NRG1: variants seen among roughly 807,000 people sequenced by gnomAD.
The protein encoded by NRG1 is neuregulin 1.
Under a neutral mutation model 63.8 loss-of-function variants are expected in NRG1, and 18 were observed. The observed-to-expected ratio is 0.28, with a 90% confidence interval of 0.19 to 0.42. The LOEUF (loss-of-function observed/expected upper bound fraction) is 0.42, where lower values mean the gene tolerates loss of function less well. Ranked by LOEUF, NRG1 falls within the 10% of genes least tolerant of loss-of-function variation. NRG1 has a pLI of 1.00. For synonymous variants in NRG1, 302 were observed against 301.3 expected (o/e 1.00, Z -0.02); for missense variants, 762 against 814.7 (o/e 0.94, Z 0.79).
At chr8:32,510,313 G>C (rs55854505) in intron 1 of NRG1, among the ~76,000 whole-genome samples, 5,618 of 151,928 alleles carry the variant, frequency 0.037, 143 homozygotes, top group African/African-American at 0.069. Flanking sequence ...AGTGAGCCAT[G>C]TTTGTGCTGC....
At chr8:32,574,436 C>G (rs559124394) in intron 1 of NRG1, among the ~76,000 whole-genome samples, 62 of 152,136 alleles carry the variant, frequency 4.1e-4, no homozygotes, top group African/African-American at 1.4e-3. Flanking sequence ...TTTTTCCCCA[C>G]CCAAATCTCA....
chr8:31,817,844 A>T, intron 1 of NRG1, among the ~76,000 whole-genome samples: 1 of 152,212 alleles, frequency 6.6e-6, no homozygotes, highest in Non-Finnish European at 1.5e-5. Context: ...CTTTTGTAAG[A>T]TATTAGAGAA....
At chr8:32,549,935 A>T (rs4733356) in intron 1 of NRG1, among the ~76,000 whole-genome samples, 59,587 of 152,108 alleles carry the variant, frequency 0.39, 12,750 homozygotes, top group Admixed American at 0.49. Flanking sequence ...CACACATTTC[A>T]TGAAGCACTT....
intron 1 of NRG1, among the ~76,000 whole-genome samples, chr8:31,916,896 T>C (rs1168628402): frequency 1.3e-5 from 2 of 151,904 alleles, no homozygotes; most frequent in Non-Finnish European, 2.9e-5. Flanking sequence ...TGATTGCCAT[T>C]GTAACTGGTG....
intron 1 of NRG1, among the ~76,000 whole-genome samples, chr8:31,896,973 G>C (rs750241108): frequency 8.5e-5 from 13 of 152,166 alleles, no homozygotes; most frequent in Non-Finnish European, 1.8e-4. Flanking sequence ...TGAAGAATTT[G>C]TATGAATAAA....
At chr8:31,809,968 C>T (rs1344903586) in intron 1 of NRG1, among the ~76,000 whole-genome samples, 1 of 151,768 alleles carries the variant, frequency 6.6e-6, no homozygotes, top group African/African-American at 2.4e-5. Flanking sequence ...CTTGGGAGAC[C>T]CCTAGCTGAA....
At chr8:32,349,901 C>T (rs1448495638) in intron 1 of NRG1, among the ~76,000 whole-genome samples, 1 of 152,202 alleles carries the variant, frequency 6.6e-6, no homozygotes, top group Non-Finnish European at 1.5e-5. Context: ...AGGATTGTGG[C>T]TGGCCAGAAG....
intron 1 of NRG1, among the ~76,000 whole-genome samples, chr8:31,784,762 T>C (rs528550374): frequency 2.0e-5 from 3 of 152,122 alleles, no homozygotes; most frequent in Non-Finnish European, 2.9e-5. Context: ...CACCAACTGC[T>C]CCTGCCAGAA....
intron 1 of NRG1, among the ~76,000 whole-genome samples, chr8:31,842,556 T>C (rs1259975031): frequency 6.6e-6 from 1 of 152,184 alleles, no homozygotes; most frequent in Non-Finnish European, 1.5e-5. Flanking sequence ...CTTCCAAGAA[T>C]CATTGCCTGA....
At chr8:32,108,540 G>C (rs1173261849) in intron 1 of NRG1, among the ~76,000 whole-genome samples, 1 of 151,876 alleles carries the variant, frequency 6.6e-6, no homozygotes, top group Admixed American at 6.6e-5. Context: ...AAAACTACTA[G>C]GTTGGCAACA....
At chr8:31,872,071 C>T (rs1829536535) in intron 1 of NRG1, among the ~76,000 whole-genome samples, 1 of 152,146 alleles carries the variant, frequency 6.6e-6, no homozygotes. Flanking sequence ...TCTTAAAGGC[C>T]TGTATGCATG....
intron 1 of NRG1, among the ~76,000 whole-genome samples, chr8:32,234,574 A>G (rs1199996529): frequency 6.6e-6 from 1 of 152,200 alleles, no homozygotes; most frequent in East Asian, 1.9e-4. Context: ...TTCCCATTTA[A>G]TTGAACAAGA....
intron 1 of NRG1, among the ~76,000 whole-genome samples, chr8:32,397,477 C>CTTT (rs1164904127): frequency 1.3e-5 from 2 of 148,462 alleles, no homozygotes; most frequent in Non-Finnish European, 3.0e-5. Flanking sequence ...TATCTATACT[C>CTTT]TTTTATGTTT....
intron 1 of NRG1, among the ~76,000 whole-genome samples, chr8:31,819,349 G>A (rs142282735): frequency 6.6e-6 from 1 of 152,188 alleles, no homozygotes; most frequent in East Asian, 1.9e-4. Flanking sequence ...TTTTAAGAAG[G>A]GAATTAAACT....
chr8:32,528,181 C>T (rs540671386), intron 1 of NRG1, among the ~76,000 whole-genome samples: 2 of 152,308 alleles, frequency 1.3e-5, no homozygotes, highest in African/African-American at 2.4e-5. Context: ...GCCAAGCCTC[C>T]GTTATTCACT....
At chr8:32,511,919 A>G (rs1311531815) in intron 1 of NRG1, among the ~76,000 whole-genome samples, 3 of 152,186 alleles carry the variant, frequency 2.0e-5, no homozygotes. Context: ...AAATGGGCAG[A>G]GCCAGGACCA....
chr8:32,510,464 G>A (rs1374720625), intron 1 of NRG1, among the ~76,000 whole-genome samples: 1 of 152,156 alleles, frequency 6.6e-6, no homozygotes, highest in Non-Finnish European at 1.5e-5. Context: ...GAGAGAAGGT[G>A]AGAAGATGAA....
intron 1 of NRG1, among the ~76,000 whole-genome samples, chr8:31,902,314 C>A (rs1832151866): frequency 6.6e-6 from 1 of 152,104 alleles, no homozygotes; most frequent in African/African-American, 2.4e-5. Flanking sequence ...TTAGGAGGGT[C>A]TTTCCAGGAA....
intron 1 of NRG1, among the ~76,000 whole-genome samples, chr8:32,318,234 T>G (rs1005698590): frequency 6.6e-6 from 1 of 152,210 alleles, no homozygotes. Flanking sequence ...ACAGAGTGAT[T>G]CTTGTAATAA....
Sources: gnomAD v4.1 joint callset for allele counts (sites outside exome capture counted in the v4.1 genomes callset) on GRCh38, gnomAD v4.1.1 for gene constraint, MANE v1.5 for transcripts, NCBI Gene and HGNC (gene_info 2026-07-23, HGNC 2026-07-21) for gene names.